ADAM9: variants seen among roughly 807,000 people sequenced by gnomAD.
ADAM9 encodes disintegrin and metalloproteinase domain-containing protein 9.
Under a neutral mutation model 108.1 loss-of-function variants are expected in ADAM9, and 54 were observed. The ratio of observed to expected loss-of-function variants is 0.50; its 90% confidence interval spans 0.40 to 0.63. The LOEUF is 0.63. Ranked by LOEUF, ADAM9 falls within the 20% of genes least tolerant of loss-of-function variation. The pLI is 0.00. For missense variants in ADAM9, 830 were observed against 997.7 expected (o/e 0.83, Z 2.26); for synonymous variants, 316 against 336.0 (o/e 0.94, Z 0.65).
intron 11 of ADAM9, among the ~76,000 whole-genome samples, chr8:39,038,946 TA>T (rs1032555597): frequency 6.7e-6 from 1 of 148,744 alleles, no homozygotes; most frequent in African/African-American, 2.6e-5. Context: ...GTCCTACATC[TA>T]GATACTTTTT....
intron 3 of ADAM9, among the ~76,000 whole-genome samples, chr8:39,012,725 T>C (rs1484362164): frequency 6.6e-6 from 1 of 151,992 alleles, no homozygotes; most frequent in East Asian, 1.9e-4. Flanking sequence ...ATGTTCTCAC[T>C]CATAGGTGGG....
chr8:39,001,750 C>T (rs1297216374), intron 1 of ADAM9, among the ~76,000 whole-genome samples: 1 of 151,986 alleles, frequency 6.6e-6, no homozygotes, highest in Non-Finnish European at 1.5e-5. Flanking sequence ...TCACTGCAAC[C>T]TCTGCCTCCC....
Position 38,997,179 on chromosome 8 carries a change from G to C in ADAM9, c.97+19G>C. ...CGGCCAGGTGGGTGTCCGCGCCCCG[G>C]GTCGGTTGGGACGGCTGCTTCCTAG... is the stretch of plus-strand genomic sequence containing the variant. On this transcript the variant is annotated intron_variant, in intron 1 of 21. Transcript: ENST00000487273. The C allele has an allele frequency of 6.3e-7, 1 of 1,593,722 alleles. No individual in the cohort carries two copies. Among genetic ancestry groups the C allele is most frequent in the Non-Finnish European group, 8.5e-7 (1 of 1,176,848 alleles).
chr8:39,017,925 A>C (rs1260991654), intron 6 of ADAM9, among the ~76,000 whole-genome samples: 1 of 152,216 alleles, frequency 6.6e-6, no homozygotes, highest in Non-Finnish European at 1.5e-5. Flanking sequence ...CCTCTTAGAC[A>C]ACTCAAATGG....
At chr8:39,045,075 T>C (rs1262166555) in intron 12 of ADAM9, among the ~76,000 whole-genome samples, 1 of 30,342 alleles carries the variant, frequency 3.3e-5, no homozygotes, top group East Asian at 3.0e-3. Flanking sequence ...CATACATATG[T>C]GTGTGTGCAT....
chr8:39,065,710 C>G (rs185979143), intron 14 of ADAM9, among the ~76,000 whole-genome samples: 2 of 148,206 alleles, frequency 1.3e-5, no homozygotes, highest in East Asian at 3.9e-4. Flanking sequence ...ATTTCATGCA[C>G]GAAACATCTC....
chr8:39,090,006 T>A, intron 18 of ADAM9, 41 bp from the exon 19 acceptor site: 1 of 1,602,842 alleles, frequency 6.2e-7, no homozygotes, highest in Non-Finnish European at 8.5e-7. Flanking sequence ...TTCTGCCTAG[T>A]ATGAGTTTGG....
At chr8:39,087,955 A>G (rs1035625396) in intron 18 of ADAM9, among the ~76,000 whole-genome samples, 5 of 152,172 alleles carry the variant, frequency 3.3e-5, no homozygotes, top group Admixed American at 1.3e-4. Flanking sequence ...TTTGTCTGTT[A>G]TATGTATTAT....
At chr8:39,051,923 A>G (rs1486809593) in intron 12 of ADAM9, among the ~76,000 whole-genome samples, 2 of 152,178 alleles carry the variant, frequency 1.3e-5, no homozygotes, top group Non-Finnish European at 2.9e-5. Context: ...CCTCATGTGT[A>G]TATATACAAA....
Position 39,009,303 on chromosome 8 carries a change from G to A in ADAM9, c.195+1320G>A, listed in dbSNP as rs780004459. Among the ~76,000 whole-genome samples the A allele has an allele frequency of 5.9e-5, 9 of 152,286 alleles. No homozygotes were observed. The East Asian group carries it at 1.2e-3, about 20-fold the overall frequency. On this transcript the variant is annotated intron_variant, in intron 2 of 21. Coordinates refer to ENST00000487273, the MANE Select transcript of ADAM9 (RefSeq NM_003816.3). ...AATCAGTTAATCCCTGTTTGGGTGC[G>A]ATCTTGGCTCACTGCAGCCTCCGCC...
rs1357328762 is a variant in ADAM9, at chr8:39,026,729, G to A, written c.1049G>A (p.Gly350Asp). ...GCTTCCATTGTTGCTCATGAATTGG[G>A]TCATAATCTTGGAATGAATCACGAT... ...TFASIVAHEL[G>D]HNLGMNHDDG... Residue 350 changes from glycine (G) to aspartate (D), a missense_variant, in exon 11 of 22, where the codon GGT (glycine) becomes GAT (aspartate). Transcript: ENST00000487273. 6.2e-7 allele frequency: 1 copy of A among 1,614,042 alleles called. No individual in the cohort carries two copies. The highest frequency in any genetic ancestry group is 1.3e-5 in the African/African-American group (1 of 74,918).
chr8:39,018,735 G>A, intron 6 of ADAM9, 118 bp from the exon 7 acceptor site: 2 of 910,594 alleles, frequency 2.2e-6, no homozygotes, highest in South Asian at 1.4e-5. Context: ...TATAGGATAT[G>A]TTAAGTAAAA....
intron 14 of ADAM9, among the ~76,000 whole-genome samples, chr8:39,056,840 C>T (rs966090149): frequency 3.3e-5 from 5 of 152,154 alleles, no homozygotes; most frequent in African/African-American, 9.7e-5. Flanking sequence ...TGTTCCTCTT[C>T]AGTCTTGACT....
intron 20 of ADAM9, among the ~76,000 whole-genome samples, chr8:39,098,715 C>T (rs1359019409): frequency 6.6e-6 from 1 of 152,114 alleles, no homozygotes; most frequent in African/African-American, 2.4e-5. Flanking sequence ...TGTATCTGAT[C>T]ATTTTAATAT....
intron 21 of ADAM9, 112 bp from the exon 22 acceptor site, chr8:39,103,495 C>T: frequency 3.9e-6 from 4 of 1,032,838 alleles, no homozygotes; most frequent in Non-Finnish European, 4.5e-6. Context: ...TGTACAGTAC[C>T]CTTTCCTGTT....
chr8:39,026,914 T>C, intron 11 of ADAM9, 104 bp downstream of exon 11: 1 of 1,493,002 alleles, frequency 6.7e-7, no homozygotes, highest in Admixed American at 1.7e-5. Flanking sequence ...GGAAATGTTA[T>C]TTCCGGTTTG....
intron 1 of ADAM9, among the ~76,000 whole-genome samples, chr8:39,001,405 T>G (rs992895299): frequency 1.3e-5 from 2 of 152,250 alleles, no homozygotes; most frequent in African/African-American, 4.8e-5. Context: ...GAATACGTAC[T>G]GTACCAGTGC....
At chr8:39,065,393 G>A (rs747786598) in intron 14 of ADAM9, among the ~76,000 whole-genome samples, 2 of 151,494 alleles carry the variant, frequency 1.3e-5, no homozygotes, top group East Asian at 3.9e-4. Context: ...GGTGGCTCAC[G>A]CCTGTAATCC....
chr8:39,067,132 C>T (rs1218268439), intron 14 of ADAM9, among the ~76,000 whole-genome samples: 1 of 152,278 alleles, frequency 6.6e-6, no homozygotes, highest in African/African-American at 2.4e-5. Context: ...GGTACCAGTA[C>T]CATGCTATTT....
Sources: allele counts gnomAD v4.1 joint callset (sites outside exome capture counted in the v4.1 genomes callset), GRCh38; gene constraint gnomAD v4.1.1; transcripts MANE v1.5; gene names NCBI Gene and HGNC (gene_info 2026-07-23, HGNC 2026-07-21).